GABRG2: variants seen among roughly 807,000 people sequenced by gnomAD.
The protein encoded by GABRG2 is gamma-aminobutyric acid type A receptor subunit gamma2, also known as gamma-aminobutyric acid receptor subunit gamma-2.
Under a neutral mutation model 56.4 loss-of-function variants are expected in GABRG2, and 16 were observed. The observed-to-expected ratio is 0.28, with a 90% CI of 0.19 to 0.43. The LOEUF (loss-of-function observed/expected upper bound fraction) is 0.43, where lower values mean the gene tolerates loss of function less well. Ranked by LOEUF, GABRG2 falls within the 20% of genes least tolerant of loss-of-function variation. GABRG2 has a pLI of 1.00. For missense variants in GABRG2, 327 were observed against 582.7 expected, an observed-to-expected ratio of 0.56 and a Z score of 4.52; for synonymous variants, 208 against 205.5, an observed-to-expected ratio of 1.01 and a Z score of -0.10.
chr5:162,155,230 A>G lies in GABRG2; in HGVS notation c.*1862A>G, dbSNP rs1581467083. ...ATAACCTCAAACAAATGTAAATAGA[A>G]CGAATTATTTTCTTGTTTTGAATTG... is the stretch of plus-strand genomic sequence containing the variant. On this transcript the variant is annotated 3_prime_UTR_variant, in exon 10 of 10. Transcript: ENST00000639213. The G allele has an allele frequency of 6.6e-6, 1 of 152,456 alleles. No individual in the cohort carries two copies. Among genetic ancestry groups the G allele is most frequent in the South Asian group, 2.1e-4 (1 of 4,826 alleles). The allele number at this position is 152,456 out of a possible 1,614,324, so 9.4% of individuals were successfully genotyped here. A position where few individuals can be genotyped will look rare whatever the true frequency, so the allele number is the denominator to read the frequency against.
chr5:162,069,634 T>C (rs1758508876), intron 1 of GABRG2, among the ~76,000 whole-genome samples: 1 of 152,180 alleles, frequency 6.6e-6, no homozygotes, highest in Admixed American at 6.6e-5. Flanking sequence ...GCACTTTTTG[T>C]ACCTTACTAA....
At chr5:162,143,706 T>C (rs775574342) in intron 7 of GABRG2, among the ~76,000 whole-genome samples, 1 of 152,202 alleles carries the variant, frequency 6.6e-6, no homozygotes, top group Non-Finnish European at 1.5e-5. Flanking sequence ...TGTCATTTAA[T>C]CTCTAATTCA....
chr5:162,119,431 A>T lies in GABRG2; in HGVS notation c.769+15405A>T, dbSNP rs769234459. 8.5e-5 allele frequency among the ~76,000 whole-genome samples: 13 copies of T among 152,290 alleles called. No individual in the cohort carries two copies. In the East Asian group the frequency reaches 1.9e-3, roughly 23 times the overall value. ...TGTTGAAAACTACTGTGTGCAGCAA[A>T]CTACCCATAGCAATTCATTTATAGT... On this transcript the variant is annotated intron_variant, in intron 6 of 9. Transcript: ENST00000639213.
chr5:162,129,338 G>C (rs1389069378), intron 6 of GABRG2: 1 of 151,812 alleles, frequency 6.6e-6, no homozygotes, highest in East Asian at 1.9e-4. Context: ...TCCTTGTTCA[G>C]AACACAAGTC....
chr5:162,085,339 G>A (rs1308949290), intron 1 of GABRG2, among the ~76,000 whole-genome samples: 1 of 151,936 alleles, frequency 6.6e-6, no homozygotes, highest in African/African-American at 2.4e-5. Context: ...TTTTTAACAT[G>A]TTGTAAATAA....
intron 1 of GABRG2, among the ~76,000 whole-genome samples, chr5:162,090,126 A>G (rs1165354002): frequency 6.6e-6 from 1 of 152,128 alleles, no homozygotes; most frequent in Non-Finnish European, 1.5e-5. Context: ...CTAAATTCAA[A>G]TTATGCATAA....
intron 1 of GABRG2, among the ~76,000 whole-genome samples, chr5:162,082,782 G>A (rs1759767107): frequency 6.7e-6 from 1 of 150,240 alleles, no homozygotes; most frequent in African/African-American, 2.4e-5. Flanking sequence ...GTAGGAGGAA[G>A]GAGGAACAAG....
chr5:162,152,753 C>T (rs1561662070), intron 9 of GABRG2: 2 of 551,002 alleles, frequency 3.6e-6, no homozygotes, highest in Admixed American at 3.2e-5. Context: ...CATCAAATGC[C>T]TTCATGTAAC....
intron 6 of GABRG2, among the ~76,000 whole-genome samples, chr5:162,124,355 A>G (rs879813514): frequency 2.6e-5 from 4 of 151,908 alleles, no homozygotes; most frequent in Non-Finnish European, 5.9e-5. Context: ...TGATATTGAA[A>G]CATTTTGCAT....
chr5:162,144,725 G>T (rs10491328), intron 7 of GABRG2, among the ~76,000 whole-genome samples: 15,721 of 152,172 alleles, frequency 0.1, 882 homozygotes, highest in South Asian at 0.13. Context: ...ATGAGACATA[G>T]GTTTGCTCTG....
intron 6 of GABRG2, among the ~76,000 whole-genome samples, chr5:162,122,707 C>T (rs2113490611): frequency 6.6e-6 from 1 of 151,550 alleles, no homozygotes; most frequent in South Asian, 2.1e-4. Context: ...AAAGATATCT[C>T]TAGATAAATG....
intron 8 of GABRG2, chr5:162,150,253 A>T (rs1315622613): frequency 2.0e-5 from 3 of 152,290 alleles, no homozygotes; most frequent in African/African-American, 7.2e-5. Flanking sequence ...GAAGGGCAAA[A>T]CAAAAAATCC....
Position 162,153,616 on chromosome 5 carries a change from T to C in GABRG2, c.*248T>C, listed in dbSNP as rs1037378944. On this transcript the variant is annotated 3_prime_UTR_variant, in exon 10 of 10. Transcript: ENST00000639213. ...CAAAGTAAAATTAGAGCAAGAACAT[T>C]CAAACCAAATAAGATATTTTTCAGC... 1.7e-6 allele frequency: 1 copy of C among 577,164 alleles called. No homozygotes were observed. The highest frequency in any genetic ancestry group is 1.9e-5 in the African/African-American group (1 of 53,320). The allele number at this position is 577,164 out of a possible 1,614,324, so 35.8% of individuals were successfully genotyped here.
chr5:162,130,060 T>C (rs1363502672), intron 6 of GABRG2, among the ~76,000 whole-genome samples: 1 of 151,914 alleles, frequency 6.6e-6, no homozygotes, highest in Admixed American at 6.6e-5. Context: ...TCAGAGAAGT[T>C]GAGCTTTTTC....
At chr5:162,096,575 A>T (rs1388869435) in intron 3 of GABRG2, among the ~76,000 whole-genome samples, 3 of 152,092 alleles carry the variant, frequency 2.0e-5, no homozygotes, top group Admixed American at 1.3e-4. Context: ...TTACTTGTAG[A>T]CTGTAAAAAT....
intron 1 of GABRG2, among the ~76,000 whole-genome samples, chr5:162,079,693 G>A (rs953807696): frequency 6.6e-6 from 1 of 151,886 alleles, no homozygotes; most frequent in Admixed American, 6.6e-5. Flanking sequence ...TCATACCTAT[G>A]TATTTATTTA....
intron 1 of GABRG2, among the ~76,000 whole-genome samples, chr5:162,078,921 A>G (rs2113178114): frequency 6.6e-6 from 1 of 151,616 alleles, no homozygotes; most frequent in African/African-American, 2.4e-5. Flanking sequence ...AAAGTCTACA[A>G]CCTTTCAGTC....
At chr5:162,085,629 G>A (rs185132506) in intron 1 of GABRG2, among the ~76,000 whole-genome samples, 1 of 148,292 alleles carries the variant, frequency 6.7e-6, no homozygotes, top group East Asian at 2.0e-4. Context: ...TCTTATATAG[G>A]TAAACTTGTG....
chr5:162,123,894 A>T, intron 6 of GABRG2, among the ~76,000 whole-genome samples: 1 of 152,062 alleles, frequency 6.6e-6, no homozygotes, highest in East Asian at 1.9e-4. Flanking sequence ...CATTTAAAAT[A>T]ATTATAACTA....
Sources: gnomAD v4.1 joint callset for allele counts (sites outside exome capture counted in the v4.1 genomes callset) on GRCh38, gnomAD v4.1.1 for gene constraint, MANE v1.5 for transcripts, NCBI Gene and HGNC (gene_info 2026-07-23, HGNC 2026-07-21) for gene names.